Variants in ZNF431 observed in about 807,000 individuals in gnomAD.
ZNF431 encodes the protein zinc finger protein 431.
A neutral mutation model predicts 57.0 loss-of-function variants in ZNF431; 34 were observed. The ratio of observed to expected loss-of-function variants is 0.60; its 90% CI spans 0.45 to 0.79. The LOEUF (loss-of-function observed/expected upper bound fraction) is 0.79. Ranked by LOEUF, ZNF431 falls within the 30% of genes least tolerant of loss-of-function variation. ZNF431 has a pLI of 0.00. For missense variants in ZNF431, 607 were observed against 667.1 expected, an observed-to-expected ratio of 0.91 and a Z score of 0.99; for synonymous variants, 207 against 220.3, an observed-to-expected ratio of 0.94 and a Z score of 0.54.
rs1187663909 is a variant in ZNF431, at chr19:21,183,293, C to T, written c.990C>T (p.Thr330=). ...ECGKAFNQSS[T]LSTHKFIHAG... is the part of the protein sequence containing the mutation. ...GCAAAGCTTTTAACCAGTCTTCAAC[C>T]CTTAGTACACATAAGTTCATTCATG... is the stretch of plus-strand genomic sequence containing the variant. Residue 330 remains threonine, a synonymous_variant, in exon 5 of 5, where the codon ACC becomes ACT. Coordinates refer to ENST00000311048, the MANE Select transcript of ZNF431 (RefSeq NM_133473.4). 2 of 1,612,832 alleles carry T rather than the reference C, an allele frequency of 1.2e-6. No individual in the cohort carries two copies. Among genetic ancestry groups the T allele is most frequent in the South Asian group, 1.1e-5 (1 of 90,982 alleles).
At chr19:21,163,372 G>A (rs1599595266) in intron 2 of ZNF431, among the ~76,000 whole-genome samples, 1 of 152,334 alleles carries the variant, frequency 6.6e-6, no homozygotes, top group African/African-American at 2.4e-5. Flanking sequence ...AAGGGACTCT[G>A]TGCTGTGCCC....
At position 21,193,901 on chromosome 19, in the gene ZNF431, T is replaced by C. The variant is rs1337204631; in HGVS notation, c.*9867T>C. On this transcript the variant is annotated 3_prime_UTR_variant, in exon 5 of 5. Coordinates refer to ENST00000311048, the MANE Select transcript of ZNF431 (RefSeq NM_133473.4). Reference sequence around the variant, plus strand: ...ACCTCACAATAATAAGAGCCATCTATGACAAATCCTCAGCTAACATACTGA... The same window carrying C: ...ACCTCACAATAATAAGAGCCATCTACGACAAATCCTCAGCTAACATACTGA... The C allele has an allele frequency of 6.6e-6, 1 of 152,170 alleles. No individual in the cohort carries two copies. Among genetic ancestry groups the C allele is most frequent in the East Asian group, 1.9e-4 (1 of 5,200 alleles). 9.4% of individuals were successfully genotyped at this position (152,170 alleles called of 1,614,324 possible). A position where few individuals can be genotyped will look rare whatever the true frequency, so the allele number is the denominator to read the frequency against.
intron 2 of ZNF431, among the ~76,000 whole-genome samples, chr19:21,152,363 A>G (rs1970297761): frequency 6.6e-6 from 1 of 152,288 alleles, no homozygotes; most frequent in East Asian, 1.9e-4. Context: ...GGTAGGAAAG[A>G]GATTTTTTTC....
chr19:21,158,643 T>TG (rs1282459741), intron 2 of ZNF431, among the ~76,000 whole-genome samples: 1 of 152,208 alleles, frequency 6.6e-6, no homozygotes, highest in African/African-American at 2.4e-5. Context: ...GCTTGGATGT[T>TG]GTTGATGTAA....
rs1333300233 is a variant in ZNF431, at chr19:21,186,152, A to T, written c.*2118A>T. ...ACAAAAATTAGCCAGGCGTGGTGGCATGTGCCTGTAATCCCAGCTACTCAG... is the reference window on the plus strand; with the variant it reads ...ACAAAAATTAGCCAGGCGTGGTGGCTTGTGCCTGTAATCCCAGCTACTCAG... On this transcript the variant is annotated 3_prime_UTR_variant, in exon 5 of 5. Transcript: ENST00000311048. 1 of 152,002 alleles carries T rather than the reference A, an allele frequency of 6.6e-6. No homozygotes were observed. Among genetic ancestry groups the T allele is most frequent in the East Asian group, 1.9e-4 (1 of 5,160 alleles). 9.4% of individuals were successfully genotyped at this position (152,002 alleles called of 1,614,324 possible). A position where few individuals can be genotyped will look rare whatever the true frequency, so the allele number is the denominator to read the frequency against.
intron 4 of ZNF431, among the ~76,000 whole-genome samples, chr19:21,181,611 CATT>C (rs560794131): frequency 2.0e-5 from 3 of 151,838 alleles, no homozygotes; most frequent in Admixed American, 6.6e-5. Context: ...TTCATTTTGA[CATT>C]ATTTTTTCTT....
intron 2 of ZNF431, among the ~76,000 whole-genome samples, chr19:21,159,433 C>T (rs1357564249): frequency 1.3e-5 from 2 of 152,012 alleles, no homozygotes; most frequent in Non-Finnish European, 2.9e-5. Context: ...AGTGCAGTGG[C>T]GCGATCTTGG....
intron 2 of ZNF431, chr19:21,150,211 A>C: frequency 1.8e-6 from 1 of 548,532 alleles, no homozygotes; most frequent in Non-Finnish European, 3.4e-6. Flanking sequence ...GGTTAATCAC[A>C]GAAAAACACT....
At chr19:21,154,340 G>A (rs991050115) in intron 2 of ZNF431, among the ~76,000 whole-genome samples, 37 of 152,246 alleles carry the variant, frequency 2.4e-4, no homozygotes, top group Non-Finnish European at 3.8e-4. Flanking sequence ...CCCTACAAAG[G>A]ACATGGACTC....
At chr19:21,163,359 T>G (rs1970628698) in intron 2 of ZNF431, among the ~76,000 whole-genome samples, 1 of 152,202 alleles carries the variant, frequency 6.6e-6, no homozygotes, top group Non-Finnish European at 1.5e-5. Context: ...CAGAGCTGAG[T>G]GTAAGGGACT....
intron 2 of ZNF431, 58 bp downstream of exon 2, chr19:21,143,701 A>G: frequency 2.3e-6 from 3 of 1,324,804 alleles, no homozygotes; most frequent in Non-Finnish European, 3.3e-6. Flanking sequence ...TTTCTTGGGG[A>G]CACATTGCTG....
At chr19:21,174,555 T>C (rs1000091678) in intron 4 of ZNF431, among the ~76,000 whole-genome samples, 1 of 152,262 alleles carries the variant, frequency 6.6e-6, no homozygotes, top group South Asian at 2.1e-4. Flanking sequence ...TACAAGCATA[T>C]TATATACAAT....
In ZNF431 at chr19:21,152,933, C is replaced by T. The variant is rs182743370; in HGVS notation, c.96+9290C>T. ...CTCAAGAAAGAATTGAGGGCGAGTC[C>T]GTAAAGTGATAGCAAGTTAATGAAG... On this transcript the variant is annotated intron_variant, in intron 2 of 4. Coordinates refer to ENST00000311048, the MANE Select transcript of ZNF431 (RefSeq NM_133473.4). Among the ~76,000 whole-genome samples, 66 of 152,176 alleles carry T rather than the reference C, an allele frequency of 4.3e-4. No individual in the cohort carries two copies. In the Middle Eastern group the frequency reaches 0.017, roughly 39 times the overall value.
At chr19:21,155,102 A>G (rs1970382513) in intron 2 of ZNF431, among the ~76,000 whole-genome samples, 2 of 152,152 alleles carry the variant, frequency 1.3e-5, no homozygotes, top group East Asian at 1.9e-4. Flanking sequence ...GCCCATGCCT[A>G]TGTCCTGAAT....
At chr19:21,145,654 G>A (rs1445219440) in intron 2 of ZNF431, among the ~76,000 whole-genome samples, 1 of 152,126 alleles carries the variant, frequency 6.6e-6, no homozygotes, top group Non-Finnish European at 1.5e-5. Context: ...GGGACTGAGA[G>A]GATCTTACTG....
rs1345278786 is a variant in ZNF431, at chr19:21,150,261, C to T, written c.96+6618C>T. ...GAGGATGGCTCTTTGCTGCTGCAACCTGATATAGTGGGGCCATTTCGGGTG... is the reference window on the plus strand; with the variant it reads ...GAGGATGGCTCTTTGCTGCTGCAACTTGATATAGTGGGGCCATTTCGGGTG... On this transcript the variant is annotated intron_variant, in intron 2 of 4. Transcript: ENST00000311048. The T allele has an allele frequency of 2.6e-5, 13 of 508,230 alleles. No individual in the cohort carries two copies. The East Asian group carries it at 6.1e-4, about 24-fold the overall frequency. 31.5% of individuals were successfully genotyped at this position (508,230 alleles called of 1,614,324 possible).
Position 21,182,829 on chromosome 19 carries a change from T to G in ZNF431, c.526T>G (p.Phe176Val). The change falls in exon 5 of 5, where the codon TTT (phenylalanine) becomes GTT (valine). Residue 176 changes from phenylalanine to valine, a missense_variant. Physicochemically the swap from Phe to Val is conservative, Grantham distance 50. Transcript: ENST00000311048. ...TTTGACAACTACCCAGAGCAAAATA[T>G]TTCCATGTGATAAATATGTGAAAGT... ...QCLTTTQSKI[F>V]PCDKYVKVFH... 6.2e-7 allele frequency: 1 copy of G among 1,614,012 alleles called. No individual in the cohort carries two copies.
Position 21,183,432 on chromosome 19 carries a change from T to G in ZNF431, c.1129T>G (p.Cys377Gly). 6.2e-7 allele frequency: 1 copy of G among 1,613,832 alleles called. No individual in the cohort carries two copies. The highest frequency in any genetic ancestry group is 8.5e-7 in the Non-Finnish European group (1 of 1,179,862). ...TGEKSYKCEE[C>G]GKGFNWSSTL... Reference sequence around the variant, plus strand: ...AGAAAAATCTTACAAATGTGAAGAATGTGGCAAAGGCTTTAATTGGTCCTC... The same window carrying G: ...AGAAAAATCTTACAAATGTGAAGAAGGTGGCAAAGGCTTTAATTGGTCCTC... Residue 377 changes from cysteine (C) to glycine (G), a missense_variant, in exon 5 of 5, where the codon TGT (cysteine) becomes GGT (glycine). By Grantham distance (159) the Cys-to-Gly change is radical. Coordinates refer to ENST00000311048, the MANE Select transcript of ZNF431 (RefSeq NM_133473.4).
At chr19:21,162,144 T>TTTGTG (rs1417739477) in intron 2 of ZNF431, among the ~76,000 whole-genome samples, 973 of 66,152 alleles carry the variant, frequency 0.015, 17 homozygotes, top group Non-Finnish European at 0.019. Context: ...ATCCAGCTAA[T>TTTGTG]TGTGTGTGTG....
Sources: allele counts gnomAD v4.1 joint callset (sites outside exome capture counted in the v4.1 genomes callset), GRCh38; gene constraint gnomAD v4.1.1; transcripts MANE v1.5; gene names NCBI Gene and HGNC (gene_info 2026-07-23, HGNC 2026-07-21).